AOPEP: variants seen among roughly 807,000 people sequenced by gnomAD.
AOPEP encodes the protein aminopeptidase O.
AOPEP carries 77 observed loss-of-function variants against 98.1 expected under a neutral mutation model. The observed-to-expected ratio is 0.78, with a 90% CI of 0.65 to 0.95. The LOEUF (loss-of-function observed/expected upper bound fraction) is 0.95, where lower values mean the gene tolerates loss of function less well. AOPEP is among the 40% of genes least tolerant of loss of function. The pLI is 0.00. For missense variants in AOPEP, 1,024 were observed against 1,024.7 expected, an observed-to-expected ratio of 1.00 and a Z score of 0.01; for synonymous variants, 346 against 365.3, an observed-to-expected ratio of 0.95 and a Z score of 0.60.
intron 5 of AOPEP, among the ~76,000 whole-genome samples, chr9:94,811,784 C>G (rs551195871): frequency 1.3e-5 from 2 of 152,348 alleles, no homozygotes; most frequent in African/African-American, 4.8e-5. Context: ...TAAGTGTTGT[C>G]TGGGGAGAAC....
chr9:94,897,324 A>G (rs2049719127), intron 5 of AOPEP, among the ~76,000 whole-genome samples: 1 of 152,192 alleles, frequency 6.6e-6, no homozygotes. Flanking sequence ...AAATCAATGA[A>G]GAAAAGATGG....
chr9:94,750,614 A>G (rs1433296426), intron 1 of AOPEP, among the ~76,000 whole-genome samples: 1 of 152,050 alleles, frequency 6.6e-6, no homozygotes, highest in Non-Finnish European at 1.5e-5. Context: ...AACAAAAAAA[A>G]GTTCAGGTTT....
intron 5 of AOPEP, among the ~76,000 whole-genome samples, chr9:94,852,235 A>G (rs2135205477): frequency 6.6e-6 from 1 of 152,322 alleles, no homozygotes; most frequent in Middle Eastern, 3.4e-3. Context: ...ATTCTGATTA[A>G]ATTGATCTGG....
chr9:94,955,327 T>C, intron 8 of AOPEP, 48 bp downstream of exon 8: 1 of 1,154,346 alleles, frequency 8.7e-7, no homozygotes, highest in Non-Finnish European at 1.3e-6. Context: ...TGCAGCACTT[T>C]TTAGGCCACA....
At chr9:94,931,671 G>C (rs2055329248) in intron 7 of AOPEP, 1 of 1,223,478 alleles carries the variant, frequency 8.2e-7, no homozygotes, top group African/African-American at 1.5e-5. Context: ...GTCTTGAAAT[G>C]ATGGGCCATA....
At chr9:94,902,126 A>G (rs1398870599) in intron 5 of AOPEP, among the ~76,000 whole-genome samples, 1 of 152,136 alleles carries the variant, frequency 6.6e-6, no homozygotes, top group Non-Finnish European at 1.5e-5. Context: ...TGACTTGTGT[A>G]TATTGTTAAT....
intron 11 of AOPEP, among the ~76,000 whole-genome samples, chr9:94,995,998 C>T (rs748310970): frequency 5.9e-5 from 9 of 151,426 alleles, no homozygotes; most frequent in East Asian, 2.0e-4. Flanking sequence ...TCACATTCCC[C>T]GGCTCCCACT....
chr9:94,990,591 G>A (rs1022768301), intron 11 of AOPEP, among the ~76,000 whole-genome samples: 1 of 150,258 alleles, frequency 6.7e-6, no homozygotes, highest in African/African-American at 2.5e-5. Context: ...TAGACTCTTC[G>A]TCAAAAGCAG....
At position 95,069,403 on chromosome 9, in the gene AOPEP, A is replaced by G. The variant is rs182720652; in HGVS notation, c.2232+8593A>G. Among the ~76,000 whole-genome samples the G allele has an allele frequency of 4.7e-4, 71 of 152,360 alleles. No individual in the cohort carries two copies. The South Asian group carries it at 0.013, about 27-fold the overall frequency. ...TGTGAGTTACATGTCAATAAATTGA[A>G]GAAAGAAGGTAGGGTGTATTATTTT... On this transcript the variant is annotated intron_variant, in intron 14 of 16. Transcript: ENST00000375315.
At position 95,060,113 on chromosome 9, in the gene AOPEP, A is replaced by G. The variant is rs1218422029; in HGVS notation, c.2116-581A>G. On this transcript the variant is annotated intron_variant, in intron 13 of 16. Transcript: ENST00000375315. The stretch of plus-strand genomic sequence containing the variant: ...TGGGTAACTTTGTGTGTCTGTGTGT[A>G]TAGCTGCACATATAGTTGTGTACAG... Among the ~76,000 whole-genome samples, 3 of 152,240 alleles carry G rather than the reference A, an allele frequency of 2.0e-5. No homozygotes were observed. In the East Asian group the frequency reaches 5.8e-4, roughly 29 times the overall value.
intron 7 of AOPEP, among the ~76,000 whole-genome samples, chr9:94,939,627 T>C (rs1447820479): frequency 2.6e-5 from 4 of 152,220 alleles, no homozygotes; most frequent in Non-Finnish European, 5.9e-5. Context: ...TGACCACTAA[T>C]GGAAAATTTC....
At position 94,796,088 on chromosome 9, in the gene AOPEP, C is replaced by A. The variant is rs117096806; in HGVS notation, c.1118+3170C>A. On this transcript the variant is annotated intron_variant, in intron 4 of 16. Transcript: ENST00000375315. ...ATGGCAGGGGCAGGCCCAAAGTGCA[C>A]CCTCTGTGTGCAAGCAGATTCAAAA... Among the ~76,000 whole-genome samples the A allele has an allele frequency of 3.9e-4, 59 of 152,246 alleles. No homozygotes were observed. In the East Asian group the frequency reaches 0.011, roughly 28 times the overall value.
chr9:95,113,531 C>T, the AOPEP span, among the ~76,000 whole-genome samples: 1 of 151,928 alleles, frequency 6.6e-6, no homozygotes, highest in Admixed American at 6.5e-5. Context: ...CAGCGGTCCA[C>T]ACCTGTAATC....
chr9:94,869,912 G>A (rs1349920018), intron 5 of AOPEP, among the ~76,000 whole-genome samples: 3 of 149,872 alleles, frequency 2.0e-5, no homozygotes, highest in Non-Finnish European at 4.4e-5. Context: ...TAATAGGAAA[G>A]ATGGAACATG....
At chr9:94,740,694 T>G (rs1331577186) in intron 1 of AOPEP, among the ~76,000 whole-genome samples, 1 of 152,042 alleles carries the variant, frequency 6.6e-6, no homozygotes, top group East Asian at 1.9e-4. Context: ...TAATGGGAGC[T>G]CAGAGAAAGG....
At chr9:95,109,787 TG>T in the AOPEP span, 3 of 152,284 alleles carry the variant, frequency 2.0e-5, no homozygotes, top group Admixed American at 6.5e-5. Flanking sequence ...GCAGAGATAC[TG>T]CTAATTTCAA....
At chr9:94,907,860 G>A (rs1000436308) in intron 5 of AOPEP, among the ~76,000 whole-genome samples, 3 of 152,182 alleles carry the variant, frequency 2.0e-5, no homozygotes, top group Non-Finnish European at 4.4e-5. Context: ...CCCAGTCTTC[G>A]CTGGGCCTCT....
chr9:95,010,880 A>C (rs2062450248), intron 13 of AOPEP, among the ~76,000 whole-genome samples: 1 of 152,254 alleles, frequency 6.6e-6, no homozygotes, highest in Admixed American at 6.5e-5. Flanking sequence ...GAGTAATTAC[A>C]GTGCTGTTAA....
At chr9:94,853,559 C>T (rs771545330) in intron 5 of AOPEP, among the ~76,000 whole-genome samples, 13 of 152,238 alleles carry the variant, frequency 8.5e-5, no homozygotes, top group Non-Finnish European at 7.4e-5. Context: ...TGAAGCTTTT[C>T]TATTATTTTT....
Sources: allele counts gnomAD v4.1 joint callset (sites outside exome capture counted in the v4.1 genomes callset), GRCh38; gene constraint gnomAD v4.1.1; transcripts MANE v1.5; gene names NCBI Gene and HGNC (gene_info 2026-07-23, HGNC 2026-07-21).